COL19A1: variants seen among roughly 807,000 people sequenced by gnomAD.
COL19A1 encodes collagen alpha-1(XIX) chain.
A neutral mutation model predicts 190.2 loss-of-function variants in COL19A1; 159 were observed. That is an observed-to-expected ratio of 0.84 (90% CI 0.73 to 0.95). COL19A1 has a LOEUF of 0.95. COL19A1 is among the 40% of genes least tolerant of loss of function. The pLI is 0.00. For synonymous variants in COL19A1, 509 were observed against 458.9 expected (o/e 1.11, Z -1.39); for missense variants, 1,418 against 1,431.9 (o/e 0.99, Z 0.16).
At chr6:70,003,501 G>A (rs1004245077) in intron 11 of COL19A1, among the ~76,000 whole-genome samples, 1 of 152,178 alleles carries the variant, frequency 6.6e-6, no homozygotes, top group Non-Finnish European at 1.5e-5. Context: ...TTGTGTGGGA[G>A]TCTAAGTCTC....
At chr6:70,148,729 C>A (rs796416979) in intron 27 of COL19A1, among the ~76,000 whole-genome samples, 12 of 152,176 alleles carry the variant, frequency 7.9e-5, no homozygotes, top group African/African-American at 2.4e-4. Context: ...GAGTTTGAGA[C>A]CAGTCTGGCC....
chr6:69,879,710 A>T, intron 2 of COL19A1, 52 bp downstream of exon 2: 1 of 1,501,946 alleles, frequency 6.7e-7, no homozygotes, highest in Admixed American at 1.7e-5. Flanking sequence ...ATAGCCTTTA[A>T]GTCATTAAAA....
At chr6:70,122,219 A>G (rs1313779987) in intron 17 of COL19A1, among the ~76,000 whole-genome samples, 1 of 152,190 alleles carries the variant, frequency 6.6e-6, no homozygotes, top group Non-Finnish European at 1.5e-5. Context: ...CATCAATAAT[A>G]TCATAGATCT....
At chr6:70,063,601 AG>A (rs1780982135) in intron 14 of COL19A1, among the ~76,000 whole-genome samples, 1 of 152,216 alleles carries the variant, frequency 6.6e-6, no homozygotes. Flanking sequence ...CACATTCAAA[AG>A]CTAGCAGAAG....
chr6:70,044,391 G>A (rs1779797184), intron 14 of COL19A1, among the ~76,000 whole-genome samples: 1 of 152,152 alleles, frequency 6.6e-6, no homozygotes, highest in African/African-American at 2.4e-5. Context: ...TTGTTTGTCT[G>A]GAGGGACCTG....
At chr6:69,937,976 C>A in intron 8 of COL19A1, 62 bp from the exon 9 acceptor site, 1 of 1,508,072 alleles carries the variant, frequency 6.6e-7, no homozygotes, top group Admixed American at 1.7e-5. Flanking sequence ...CATTTATAAA[C>A]CATTTGGCTT....
intron 9 of COL19A1, among the ~76,000 whole-genome samples, chr6:69,950,708 AC>A (rs1774077766): frequency 6.7e-6 from 1 of 148,694 alleles, no homozygotes; most frequent in Non-Finnish European, 1.5e-5. Flanking sequence ...ACACACACAC[AC>A]ACACACATGT....
intron 44 of COL19A1, among the ~76,000 whole-genome samples, chr6:70,181,286 G>A (rs571283385): frequency 6.6e-6 from 1 of 152,282 alleles, no homozygotes; most frequent in East Asian, 1.9e-4. Context: ...TTCAGGGTTG[G>A]TGGCCACCAT....
At chr6:69,974,879 C>T (rs1251882540) in intron 11 of COL19A1, among the ~76,000 whole-genome samples, 1 of 131,194 alleles carries the variant, frequency 7.6e-6, no homozygotes, top group Non-Finnish European at 1.5e-5. Context: ...GTGGAGCGAT[C>T]TAGGCTCACT....
intron 16 of COL19A1, among the ~76,000 whole-genome samples, chr6:70,118,275 A>C (rs990994177): frequency 2.6e-5 from 4 of 152,296 alleles, no homozygotes; most frequent in African/African-American, 9.6e-5. Context: ...CTGAAACCCC[A>C]AGGTTGTGTT....
intron 4 of COL19A1, among the ~76,000 whole-genome samples, chr6:69,919,533 G>A (rs1321001301): frequency 6.6e-6 from 1 of 151,844 alleles, no homozygotes; most frequent in Non-Finnish European, 1.5e-5. Flanking sequence ...TATTCTGTTT[G>A]TATTTCCTAA....
chr6:70,125,421 C>T (rs1785136899), intron 17 of COL19A1, among the ~76,000 whole-genome samples: 1 of 152,088 alleles, frequency 6.6e-6, no homozygotes, highest in African/African-American at 2.4e-5. Context: ...GCTCAGAGAG[C>T]CCATGGTTCA....
chr6:70,125,952 T>C (rs1274186463), intron 17 of COL19A1, among the ~76,000 whole-genome samples: 1 of 152,140 alleles, frequency 6.6e-6, no homozygotes, highest in Non-Finnish European at 1.5e-5. Flanking sequence ...TACTACACTT[T>C]AAATGGAGAA....
Position 69,929,535 on chromosome 6 carries a change from T to C in COL19A1, c.501T>C (p.Phe167=). 2 of 1,614,088 alleles carry C rather than the reference T, an allele frequency of 1.2e-6. No homozygotes were observed. The highest frequency in any genetic ancestry group is 1.7e-6 in the Non-Finnish European group (2 of 1,179,996). The change falls in exon 6 of 51, where the codon TTT becomes TTC. Residue 167 remains phenylalanine (F), a synonymous_variant. Transcript: ENST00000620364. ...GAAATCGAGAACTCCGTCCTTTGTTTGATCGTCAGTGGCACAAACTTGGCA... is the reference window on the plus strand; with the variant it reads ...GAAATCGAGAACTCCGTCCTTTGTTCGATCGTCAGTGGCACAAACTTGGCA... ...IFRNRELRPL[F]DRQWHKLGIS...
intron 44 of COL19A1, among the ~76,000 whole-genome samples, chr6:70,182,748 G>A (rs1414143173): frequency 6.6e-6 from 1 of 152,190 alleles, no homozygotes. Flanking sequence ...GAAACGTAGA[G>A]GTCATTGGTG....
chr6:70,199,031 G>C (rs1216170959), intron 48 of COL19A1, among the ~76,000 whole-genome samples: 2 of 152,198 alleles, frequency 1.3e-5, no homozygotes, highest in Non-Finnish European at 2.9e-5. Flanking sequence ...TCCAATGAGT[G>C]ATCTAAGAGA....
intron 4 of COL19A1, among the ~76,000 whole-genome samples, chr6:69,905,890 A>G (rs1561982569): frequency 6.6e-6 from 1 of 152,200 alleles, no homozygotes; most frequent in East Asian, 1.9e-4. Flanking sequence ...CATGCTACCT[A>G]GTTCTCTAGA....
intron 16 of COL19A1, among the ~76,000 whole-genome samples, chr6:70,118,933 A>G (rs1278791444): frequency 6.6e-6 from 1 of 152,170 alleles, no homozygotes; most frequent in Non-Finnish European, 1.5e-5. Context: ...TGAGAAGTAT[A>G]TACTTTGCTT....
chr6:70,055,781 TAAAAAAA>T (rs55871207), intron 14 of COL19A1, among the ~76,000 whole-genome samples: 16 of 117,448 alleles, frequency 1.4e-4, no homozygotes, highest in Admixed American at 6.3e-4. Flanking sequence ...AACTCTGTAT[TAAAAAAA>T]AAAAAAAAAA....
Sources: gnomAD v4.1 joint callset for allele counts (sites outside exome capture counted in the v4.1 genomes callset) on GRCh38, gnomAD v4.1.1 for gene constraint, MANE v1.5 for transcripts, NCBI Gene and HGNC (gene_info 2026-07-23, HGNC 2026-07-21) for gene names.